The following RBMS3 variants were observed in gnomAD, a reference collection of about 807,000 sequenced individuals.
RBMS3 encodes RNA-binding motif, single-stranded-interacting protein 3.
A neutral mutation model predicts 66.8 loss-of-function variants in RBMS3; 27 were observed. The observed-to-expected ratio is 0.40, with a 90% CI of 0.30 to 0.56. The LOEUF (loss-of-function observed/expected upper bound fraction) is 0.56. Among genes scored for constraint, RBMS3 ranks in the 20% least tolerant of loss-of-function variants. The pLI is 0.40. For synonymous variants in RBMS3, 188 were observed against 183.0 expected (o/e 1.03, Z -0.22); for missense variants, 513 against 549.5 (o/e 0.93, Z 0.66).
chr3:29,384,569 T>C lies in RBMS3; in HGVS notation c.76-50174T>C, dbSNP rs531860763. Among the ~76,000 whole-genome samples, 4 of 152,298 alleles carry C rather than the reference T, an allele frequency of 2.6e-5. No homozygotes were observed. The East Asian group carries it at 5.8e-4, about 22-fold the overall frequency. ...CAGCTCCTCTTTTCTGGTATAAAAC[T>C]TTTTATTGAAACTACCTGTGTCGTA... On this transcript the variant is annotated intron_variant, in intron 1 of 14. Transcript: ENST00000383767.
intron 6 of RBMS3, among the ~76,000 whole-genome samples, chr3:29,784,808 A>G (rs2056764806): frequency 6.6e-6 from 1 of 152,138 alleles, no homozygotes; most frequent in Non-Finnish European, 1.5e-5. Context: ...AGAAAAGAAG[A>G]GAGCAAATCC....
rs79434324 is a variant in RBMS3, at chr3:29,878,065, T to C, written c.745-6097T>C. 3.0e-3 allele frequency among the ~76,000 whole-genome samples: 458 copies of C among 152,172 alleles called. 3 individuals are homozygous for C. Among genetic ancestry groups the C allele is most frequent in the African/African-American group, 0.011 (438 of 41,524 alleles). ...CAGGGTGAAGCTCTTCCACCTCAGATCGTCAGGCATTAGTTAGATTCTCAA... is the reference window on the plus strand; with the variant it reads ...CAGGGTGAAGCTCTTCCACCTCAGACCGTCAGGCATTAGTTAGATTCTCAA... On this transcript the variant is annotated intron_variant, in intron 7 of 14. Coordinates refer to ENST00000383767, the MANE Select transcript of RBMS3 (RefSeq NM_001003793.3).
chr3:29,998,353 T>C (rs1184643909), intron 14 of RBMS3, among the ~76,000 whole-genome samples: 3 of 152,162 alleles, frequency 2.0e-5, no homozygotes, highest in South Asian at 2.1e-4. Context: ...AGGTAATTGA[T>C]AGATTCAATG....
chr3:29,362,540 C>T (rs2037662804), intron 1 of RBMS3, among the ~76,000 whole-genome samples: 1 of 152,182 alleles, frequency 6.6e-6, no homozygotes, highest in Non-Finnish European at 1.5e-5. Flanking sequence ...AGATCTCACA[C>T]TCCGTGCTGG....
At chr3:29,607,133 T>A (rs1233556587) in intron 4 of RBMS3, among the ~76,000 whole-genome samples, 1 of 151,980 alleles carries the variant, frequency 6.6e-6, no homozygotes, top group Non-Finnish European at 1.5e-5. Flanking sequence ...ATTTTAAATA[T>A]TTGGTTATCA....
chr3:29,354,682 A>G (rs1307858348), intron 1 of RBMS3, among the ~76,000 whole-genome samples: 2 of 152,138 alleles, frequency 1.3e-5, no homozygotes, highest in African/African-American at 2.4e-5. Context: ...CTACTACTAA[A>G]CAGTATCAGG....
At chr3:29,804,275 G>C (rs560680035) in intron 6 of RBMS3, among the ~76,000 whole-genome samples, 55 of 152,152 alleles carry the variant, frequency 3.6e-4, no homozygotes, top group South Asian at 2.1e-3. Context: ...TGTCAGTGTA[G>C]AAGCCATTGG....
intron 3 of RBMS3, among the ~76,000 whole-genome samples, chr3:29,585,895 C>T (rs17023847): frequency 0.012 from 1,870 of 152,008 alleles, 34 homozygotes; most frequent in African/African-American, 0.043. Flanking sequence ...GTTCATTTTA[C>T]GATAACATGC....
Position 29,384,435 on chromosome 3 carries a change from T to TAATAATAATAAGAAGAAGAAGAAGAAG in RBMS3, c.76-50306_76-50305insTAATAATAAGAAGAAGAAGAAGAAGAA, listed in dbSNP as rs776357215. On this transcript the variant is annotated intron_variant, in intron 1 of 14. Transcript: ENST00000383767. ...TATACACCAATAATAATAATAATAA[T>TAATAATAATAAGAAGAAGAAGAAGAAG]AAGAAGAAGAAGAAGAAGAAGAAGA... is the stretch of plus-strand genomic sequence containing the variant. Among the ~76,000 whole-genome samples, 801 of 141,046 alleles carry TAATAATAATAAGAAGAAGAAGAAGAAG rather than the reference T, an allele frequency of 5.7e-3. 2 individuals carry two copies. Among genetic ancestry groups the TAATAATAATAAGAAGAAGAAGAAGAAG allele is most frequent in the Non-Finnish European group, 8.1e-3 (531 of 65,470 alleles). The allele number at this position is 141,046 out of a possible 152,430, so 92.5% of individuals were successfully genotyped here. A position where few individuals can be genotyped will look rare whatever the true frequency, so the allele number is the denominator to read the frequency against.
At position 29,868,530 on chromosome 3, in the gene RBMS3, T is replaced by C. The variant is rs74961558; in HGVS notation, c.638-328T>C. On this transcript the variant is annotated intron_variant, in intron 6 of 14. Coordinates refer to ENST00000383767, the MANE Select transcript of RBMS3 (RefSeq NM_001003793.3). ...TGAGGAAGAAATATTTATCCACATATAAATACCGATTATGAACACGTTTCT... is the reference window on the plus strand; with the variant it reads ...TGAGGAAGAAATATTTATCCACATACAAATACCGATTATGAACACGTTTCT... 4.9e-3 allele frequency among the ~76,000 whole-genome samples: 741 copies of C among 152,316 alleles called. 22 individuals carry two copies. In the East Asian group the frequency reaches 0.074, roughly 15 times the overall value.
intron 3 of RBMS3, among the ~76,000 whole-genome samples, chr3:29,570,974 A>C (rs371772449): frequency 2.0e-5 from 3 of 152,060 alleles, no homozygotes; most frequent in African/African-American, 7.2e-5. Flanking sequence ...TTTTCACTAC[A>C]ACCTCTCCAA....
intron 10 of RBMS3, among the ~76,000 whole-genome samples, chr3:29,934,929 G>A (rs2061227191): frequency 6.6e-6 from 1 of 152,002 alleles, no homozygotes; most frequent in South Asian, 2.1e-4. Context: ...AACGCGCAGT[G>A]GGTAATTAGT....
intron 4 of RBMS3, among the ~76,000 whole-genome samples, chr3:29,643,637 C>T (rs189452503): frequency 2.5e-4 from 38 of 152,116 alleles, no homozygotes; most frequent in Middle Eastern, 3.4e-3. Flanking sequence ...GGGAGAAAAA[C>T]GTGAAAGTTG....
At chr3:29,856,790 G>A (rs1034307334) in intron 6 of RBMS3, among the ~76,000 whole-genome samples, 8 of 152,054 alleles carry the variant, frequency 5.3e-5, no homozygotes, top group Middle Eastern at 3.2e-3. Flanking sequence ...AGGCGACGTC[G>A]TTGCCAAGTT....
intron 3 of RBMS3, among the ~76,000 whole-genome samples, chr3:29,517,094 G>A (rs920672496): frequency 5.3e-5 from 8 of 151,714 alleles, no homozygotes; most frequent in Non-Finnish European, 7.4e-5. Context: ...CGTGTCTGTC[G>A]CCCAGCTACC....
At chr3:29,351,631 T>C (rs955918905) in intron 1 of RBMS3, among the ~76,000 whole-genome samples, 1 of 152,078 alleles carries the variant, frequency 6.6e-6, no homozygotes, top group African/African-American at 2.4e-5. Context: ...CATATGTATT[T>C]GATAAGGCAT....
At chr3:29,315,876 C>A (rs2034643101) in intron 1 of RBMS3, among the ~76,000 whole-genome samples, 1 of 151,738 alleles carries the variant, frequency 6.6e-6, no homozygotes, top group South Asian at 2.1e-4. Context: ...CACAGCTCTA[C>A]TGATTCACTT....
intron 4 of RBMS3, among the ~76,000 whole-genome samples, chr3:29,607,657 C>G (rs1418174279): frequency 1.3e-5 from 2 of 151,648 alleles, no homozygotes; most frequent in Admixed American, 6.6e-5. Flanking sequence ...ATTTTTTTTC[C>G]CAAATACCTT....
At chr3:29,374,584 G>A (rs1455542664) in intron 1 of RBMS3, among the ~76,000 whole-genome samples, 1 of 152,152 alleles carries the variant, frequency 6.6e-6, no homozygotes, top group Non-Finnish European at 1.5e-5. Context: ...TGTGTTAGAT[G>A]ATTTTGCCCA....
Sources: allele counts gnomAD v4.1 joint callset (sites outside exome capture counted in the v4.1 genomes callset), GRCh38; gene constraint gnomAD v4.1.1; transcripts MANE v1.5; gene names NCBI Gene and HGNC (gene_info 2026-07-23, HGNC 2026-07-21).